The following PLCB4 variants were observed in gnomAD, a reference collection of about 807,000 sequenced individuals.
PLCB4 encodes phospholipase C beta 4.
In PLCB4, 77 loss-of-function variants were observed where a neutral mutation model predicts 178.8. That is an observed-to-expected ratio of 0.43 (90% CI 0.36 to 0.52). PLCB4 has a LOEUF of 0.52. PLCB4 is among the 20% of genes least tolerant of loss of function. The pLI is 0.00. For missense variants in PLCB4, 1,024 were observed against 1,453.4 expected (o/e 0.70, Z 4.80); for synonymous variants, 496 against 490.8 (o/e 1.01, Z -0.14).
intron 3 of PLCB4, among the ~76,000 whole-genome samples, chr20:9,228,621 CT>C (rs1182597873): frequency 6.6e-6 from 1 of 152,162 alleles, no homozygotes; most frequent in African/African-American, 2.4e-5. Context: ...TATTTTTCAG[CT>C]GACCCTCATC....
intron 21 of PLCB4, among the ~76,000 whole-genome samples, chr20:9,406,716 C>T (rs554441350): frequency 1.3e-5 from 2 of 152,124 alleles, no homozygotes; most frequent in South Asian, 4.2e-4. Flanking sequence ...AGGATGGTCT[C>T]GATCTCCTGA....
In PLCB4 at chr20:9,419,838, C is replaced by T; in HGVS notation, c.2083C>T (p.Pro695Ser). The T allele has an allele frequency of 1.2e-6, 2 of 1,613,844 alleles. No homozygotes were observed. Among genetic ancestry groups the T allele is most frequent in the African/African-American group, 1.3e-5 (1 of 75,038 alleles). ...YLLKPDFMRR[P>S]DRTFDPFSET... ...TCTCAAACCAGATTTCATGAGGCGG[C>T]CTGATCGAACATTTGACCCCTTCTC... Residue 695 changes from proline (P) to serine (S), a missense_variant, in exon 26 of 40, where the codon CCT (proline) becomes TCT (serine). This residue lies in a region of PLCB4 where 227 missense variants were observed against 374.3 expected (regional missense o/e 0.61). Transcript: ENST00000378473.
intron 2 of PLCB4, among the ~76,000 whole-genome samples, chr20:9,169,192 G>T (rs1010783337): frequency 3.9e-5 from 6 of 152,138 alleles, no homozygotes; most frequent in African/African-American, 1.4e-4. Flanking sequence ...GTGAGGAGCT[G>T]CTTCCTTCCT....
chr20:9,104,153 A>G (rs1819222589), intron 2 of PLCB4, among the ~76,000 whole-genome samples: 1 of 152,186 alleles, frequency 6.6e-6, no homozygotes, highest in African/African-American at 2.4e-5. Context: ...TTTTGAGATG[A>G]TTCACCTACA....
In PLCB4 at chr20:9,480,059, G is replaced by A. The variant is rs1421982296; in HGVS notation, c.*1050G>A. 2.6e-5 allele frequency: 4 copies of A among 152,460 alleles called. No homozygotes were observed. Among genetic ancestry groups the A allele is most frequent in the East Asian group, 1.9e-4 (1 of 5,186 alleles). The allele number at this position is 152,460 out of a possible 1,614,324, so 9.4% of individuals were successfully genotyped here. Reference sequence around the variant, plus strand: ...TATGTGGGCATTCTTGATACTTCAAGTTCTAGTTTGAAAAAAATACATAAC... The same window carrying A: ...TATGTGGGCATTCTTGATACTTCAAATTCTAGTTTGAAAAAAATACATAAC... On this transcript the variant is annotated 3_prime_UTR_variant, in exon 40 of 40. Transcript: ENST00000378473.
chr20:9,251,967 CA>C (rs2094186085), intron 3 of PLCB4, among the ~76,000 whole-genome samples: 1 of 152,108 alleles, frequency 6.6e-6, no homozygotes. Flanking sequence ...TCTGTTTCTT[CA>C]AAGTCTTTGA....
intron 2 of PLCB4, among the ~76,000 whole-genome samples, chr20:9,124,934 C>T (rs1295030825): frequency 6.6e-6 from 1 of 152,020 alleles, no homozygotes; most frequent in Non-Finnish European, 1.5e-5. Context: ...GTTTATATTA[C>T]TTATAAGGAA....
At chr20:9,394,712 T>C (rs542353556) in intron 18 of PLCB4, among the ~76,000 whole-genome samples, 4 of 152,328 alleles carry the variant, frequency 2.6e-5, no homozygotes, top group South Asian at 4.1e-4. Flanking sequence ...TTGAAATCAA[T>C]TGGTGCAATT....
chr20:9,279,769 A>C (rs987584693), intron 3 of PLCB4, among the ~76,000 whole-genome samples: 1 of 152,014 alleles, frequency 6.6e-6, no homozygotes, highest in Non-Finnish European at 1.5e-5. Flanking sequence ...CTAACGTTTG[A>C]GTATTTTCCT....
chr20:9,444,285 G>T, intron 32 of PLCB4, 42 bp downstream of exon 32: 1 of 1,219,554 alleles, frequency 8.2e-7, no homozygotes, highest in South Asian at 1.3e-5. Context: ...ATGTATGGAT[G>T]AATCATTTGT....
At chr20:9,142,999 C>T (rs910923919) in intron 2 of PLCB4, among the ~76,000 whole-genome samples, 1 of 152,174 alleles carries the variant, frequency 6.6e-6, no homozygotes, top group East Asian at 1.9e-4. Context: ...ACACACTGGG[C>T]ATGGCTGCCC....
chr20:9,093,392 G>A (rs368137524), intron 1 of PLCB4, among the ~76,000 whole-genome samples: 2 of 152,150 alleles, frequency 1.3e-5, no homozygotes, highest in Non-Finnish European at 2.9e-5. Context: ...CTGAGGCTGA[G>A]TTGCTCTGGT....
intron 3 of PLCB4, among the ~76,000 whole-genome samples, chr20:9,229,953 T>C (rs890056787): frequency 2.6e-5 from 4 of 152,128 alleles, no homozygotes; most frequent in African/African-American, 7.2e-5. Flanking sequence ...ACTTTTTTTT[T>C]CCACTGGTAA....
At chr20:9,455,827 A>G (rs73068490) in intron 33 of PLCB4, among the ~76,000 whole-genome samples, 246 of 152,266 alleles carry the variant, frequency 1.6e-3, no homozygotes, top group Non-Finnish European at 2.9e-3. Flanking sequence ...TCTCATCATT[A>G]ATATTCACCA....
intron 1 of PLCB4, among the ~76,000 whole-genome samples, chr20:9,090,147 G>A (rs1188641755): frequency 6.6e-6 from 1 of 151,822 alleles, no homozygotes; most frequent in African/African-American, 2.4e-5. Flanking sequence ...CTTTGGTGAA[G>A]ATTGAACACA....
At chr20:9,463,740 T>C (rs533186858) in intron 35 of PLCB4, among the ~76,000 whole-genome samples, 35 of 152,034 alleles carry the variant, frequency 2.3e-4, no homozygotes, top group African/African-American at 7.7e-4. Flanking sequence ...CTATCCTAAA[T>C]ATATATGCAC....
At chr20:9,272,823 C>T (rs2094416704) in intron 3 of PLCB4, among the ~76,000 whole-genome samples, 1 of 151,408 alleles carries the variant, frequency 6.6e-6, no homozygotes, top group African/African-American at 2.4e-5. Context: ...AAAAGGCTCT[C>T]CCAGTTTGTT....
At chr20:9,161,607 A>G (rs950979049) in intron 2 of PLCB4, among the ~76,000 whole-genome samples, 2 of 152,230 alleles carry the variant, frequency 1.3e-5, no homozygotes, top group Non-Finnish European at 2.9e-5. Context: ...ATGTTCTGTG[A>G]AATAAATTTT....
At chr20:9,126,186 G>C (rs1336593138) in intron 2 of PLCB4, among the ~76,000 whole-genome samples, 1 of 151,986 alleles carries the variant, frequency 6.6e-6, no homozygotes, top group Non-Finnish European at 1.5e-5. Flanking sequence ...TTCTATAAAC[G>C]AATTAAGTTT....
Sources: gnomAD v4.1 joint callset for allele counts (sites outside exome capture counted in the v4.1 genomes callset) on GRCh38, gnomAD v4.1.1 for gene constraint, gnomAD v4.1.1 regional missense constraint, MANE v1.5 for transcripts, NCBI Gene and HGNC (gene_info 2026-07-23, HGNC 2026-07-21) for gene names.